Variants in WDR72 observed in about 807,000 individuals in gnomAD.
The protein encoded by WDR72 is WD repeat domain 72.
Under a neutral mutation model 124.2 loss-of-function variants are expected in WDR72, and 120 were observed. That is an observed-to-expected ratio of 0.97 (90% confidence interval 0.83 to 1.12). The LOEUF is 1.12. WDR72 is among the 50% of genes most tolerant of loss of function. WDR72 has a pLI of 0.00. For synonymous variants in WDR72, 452 were observed against 441.7 expected, an observed-to-expected ratio of 1.02 and a Z score of -0.29; for missense variants, 1,387 against 1,278.8, an observed-to-expected ratio of 1.08 and a Z score of -1.29.
At chr15:53,636,813 C>A (rs2014640093) in intron 14 of WDR72, among the ~76,000 whole-genome samples, 1 of 152,166 alleles carries the variant, frequency 6.6e-6, no homozygotes, top group Non-Finnish European at 1.5e-5. Context: ...AACTTTTAAA[C>A]CCAGGTCATT....
chr15:53,702,386 A>T (rs2017210701), intron 11 of WDR72, 32 bp from the exon 12 acceptor site: 1 of 1,526,908 alleles, frequency 6.5e-7, no homozygotes, highest in African/African-American at 1.4e-5. Flanking sequence ...AATAATACAG[A>T]TGTTATTTTT....
chr15:53,609,327 C>T (rs921488417), intron 17 of WDR72, among the ~76,000 whole-genome samples, 186 bp downstream of exon 17: 1 of 152,100 alleles, frequency 6.6e-6, no homozygotes, highest in Non-Finnish European at 1.5e-5. Flanking sequence ...CATTCACGCT[C>T]CCCTAGTGAA....
chr15:53,529,181 T>A (rs1247998533), intron 18 of WDR72, among the ~76,000 whole-genome samples: 9 of 132,208 alleles, frequency 6.8e-5, no homozygotes, highest in Non-Finnish European at 1.1e-4. Flanking sequence ...TTTTTTTTTT[T>A]AAAAGAATAT....
intron 14 of WDR72, among the ~76,000 whole-genome samples, chr15:53,653,835 C>A (rs1320727357): frequency 6.6e-6 from 1 of 151,988 alleles, no homozygotes; most frequent in South Asian, 2.1e-4. Flanking sequence ...ATTTATAACT[C>A]CAAAGATACT....
At chr15:53,559,458 G>A (rs1239019865) in intron 18 of WDR72, among the ~76,000 whole-genome samples, 2 of 152,004 alleles carry the variant, frequency 1.3e-5, no homozygotes, top group Non-Finnish European at 2.9e-5. Context: ...GCTGCAATAT[G>A]AGCTTCCTTT....
chr15:53,558,808 A>G (rs1894020680), intron 18 of WDR72, among the ~76,000 whole-genome samples: 1 of 152,032 alleles, frequency 6.6e-6, no homozygotes, highest in Non-Finnish European at 1.5e-5. Flanking sequence ...ATAGCAGTAA[A>G]TGGCACCTGC....
rs114201651 is a variant in WDR72 at position 53,641,815 on chromosome 15, C to T, written c.1962+23757G>A. Among the ~76,000 whole-genome samples, 1,463 of 151,784 alleles carry T rather than the reference C, an allele frequency of 9.6e-3. 32 individuals are homozygous for T. The highest frequency in any genetic ancestry group is 0.034 in the African/African-American group (1,407 of 41,482). On this transcript the variant is annotated intron_variant, in intron 14 of 19. Coordinates refer to ENST00000360509, the MANE Select transcript of WDR72 (RefSeq NM_182758.4). ...GCACTTAAGTTTTGTTTTTAGCCAA[C>T]GACCATGCTGAACATTATTTTTTGT... is the stretch of plus-strand genomic sequence containing the variant.
At chr15:53,708,839 A>G (rs478008) in intron 9 of WDR72, among the ~76,000 whole-genome samples, 57,701 of 151,922 alleles carry the variant, frequency 0.38, 12,346 homozygotes, top group Middle Eastern at 0.6. Context: ...CCTTGTCTCA[A>G]TAGCCAGGAC....
intron 13 of WDR72, among the ~76,000 whole-genome samples, chr15:53,698,599 A>G (rs1439179245): frequency 1.3e-5 from 2 of 152,194 alleles, no homozygotes; most frequent in Non-Finnish European, 2.9e-5. Flanking sequence ...CCGAGGTCCT[A>G]TTAACAGGTT....
At chr15:53,649,528 C>T (rs1220209194) in intron 14 of WDR72, among the ~76,000 whole-genome samples, 3 of 151,984 alleles carry the variant, frequency 2.0e-5, no homozygotes, top group South Asian at 2.1e-4. Flanking sequence ...ATGAGATTTT[C>T]CACCACAAAT....
At chr15:53,649,805 GT>G (rs2015168323) in intron 14 of WDR72, among the ~76,000 whole-genome samples, 1 of 152,134 alleles carries the variant, frequency 6.6e-6, no homozygotes, top group Non-Finnish European at 1.5e-5. Context: ...TCAGGTGTTT[GT>G]GAGGATGTAG....
chr15:53,697,018 C>A (rs929695901), intron 13 of WDR72, among the ~76,000 whole-genome samples: 3 of 152,180 alleles, frequency 2.0e-5, no homozygotes, highest in Non-Finnish European at 4.4e-5. Flanking sequence ...CAATTATAAG[C>A]TCATCTTAAG....
At chr15:53,558,159 T>C (rs937293900) in intron 18 of WDR72, among the ~76,000 whole-genome samples, 1 of 152,064 alleles carries the variant, frequency 6.6e-6, no homozygotes, top group East Asian at 1.9e-4. Context: ...CTATTGCTCA[T>C]TCTATAGTAG....
At chr15:53,546,310 T>G (rs2140270698) in intron 18 of WDR72, among the ~76,000 whole-genome samples, 1 of 152,218 alleles carries the variant, frequency 6.6e-6, no homozygotes, top group East Asian at 1.9e-4. Context: ...GTGGCACATA[T>G]ACACCATGGA....
intron 18 of WDR72, among the ~76,000 whole-genome samples, chr15:53,546,551 T>C (rs922023951): frequency 9.9e-5 from 15 of 151,794 alleles, no homozygotes; most frequent in African/African-American, 3.6e-4. Flanking sequence ...CATTGGGAGA[T>C]ATACCTAATG....
At chr15:53,588,360 G>T (rs1452816878) in intron 18 of WDR72, among the ~76,000 whole-genome samples, 1 of 151,968 alleles carries the variant, frequency 6.6e-6, no homozygotes, top group African/African-American at 2.4e-5. Context: ...AGCAATTAGA[G>T]TGCCAGGTAA....
intron 13 of WDR72, among the ~76,000 whole-genome samples, chr15:53,698,039 CTTTATA>C (rs901928611): frequency 2.2e-4 from 34 of 152,034 alleles, no homozygotes; most frequent in African/African-American, 8.2e-4. Flanking sequence ...ATTTGTTTTT[CTTTATA>C]TTTATTTTTC....
Position 53,615,672 on chromosome 15 carries a change from C to G in WDR72, c.2534G>C (p.Gly845Ala). Residue 845 changes from glycine to alanine, a missense_variant, in exon 15 of 20, where the codon GGT (glycine) becomes GCT (alanine). Gly to Ala is a moderately conservative substitution (Grantham distance 60). Transcript: ENST00000360509. ...CATTCCACTATTGCATAAATCCCAA[C>G]CTGGCAACATCAGTGAGAAATTATC... ...NEDNFSLMLP[G>A]WDLCNSGMIK... is the part of the protein sequence containing the mutation. 6.2e-7 allele frequency: 1 copy of G among 1,611,782 alleles called. No homozygotes were observed. The highest frequency in any genetic ancestry group is 8.5e-7 in the Non-Finnish European group (1 of 1,178,824).
intron 18 of WDR72, among the ~76,000 whole-genome samples, chr15:53,531,336 C>T (rs1892455309): frequency 6.6e-6 from 1 of 152,072 alleles, no homozygotes; most frequent in Non-Finnish European, 1.5e-5. Flanking sequence ...CCCCCACACC[C>T]TCCATATGCA....
Sources: allele counts gnomAD v4.1 joint callset (sites outside exome capture counted in the v4.1 genomes callset), GRCh38; gene constraint gnomAD v4.1.1; transcripts MANE v1.5; gene names NCBI Gene and HGNC (gene_info 2026-07-23, HGNC 2026-07-21).